Variants in FBXL17 observed in about 807,000 individuals in gnomAD.
FBXL17 encodes the protein F-box/LRR-repeat protein 17.
FBXL17 carries 22 observed loss-of-function variants against 66.2 expected under a neutral mutation model. The observed-to-expected ratio is 0.33, with a 90% CI of 0.24 to 0.47. FBXL17 has a LOEUF of 0.47. Among genes scored for constraint, FBXL17 ranks in the 20% least tolerant of loss-of-function variants. The pLI, the probability that FBXL17 is intolerant of heterozygous loss-of-function variation, is 1.00. For synonymous variants in FBXL17, 474 were observed against 400.5 expected (o/e 1.18, Z -2.19); for missense variants, 878 against 948.2 (o/e 0.93, Z 0.97).
At chr5:108,004,464 A>G (rs1160180873) in intron 7 of FBXL17, among the ~76,000 whole-genome samples, 1 of 152,202 alleles carries the variant, frequency 6.6e-6, no homozygotes, top group Non-Finnish European at 1.5e-5. Context: ...ATCATATAAC[A>G]TGATTTAATT....
At position 108,092,005 on chromosome 5, in the gene FBXL17, A is replaced by G. The variant is rs367700766; in HGVS notation, c.1746-71004T>C. Among the ~76,000 whole-genome samples, 75 of 152,328 alleles carry G rather than the reference A, an allele frequency of 4.9e-4. 1 individual carries two copies. The South Asian group carries it at 0.013, about 26-fold the overall frequency. On this transcript the variant is annotated intron_variant, in intron 6 of 8. Transcript: ENST00000542267. ...TATACACCTTTGCCTGGTAAACACA[A>G]TATCTTTCCTCTGTTTATTTTCTGG...
intron 4 of FBXL17, among the ~76,000 whole-genome samples, chr5:108,272,685 G>A (rs1757325370): frequency 6.6e-6 from 1 of 151,904 alleles, no homozygotes; most frequent in African/African-American, 2.4e-5. Flanking sequence ...AAATGATCCC[G>A]CATTTTCCCA....
intron 8 of FBXL17, among the ~76,000 whole-genome samples, chr5:107,872,153 A>G (rs1748478098): frequency 6.6e-6 from 1 of 152,228 alleles, no homozygotes; most frequent in African/African-American, 2.4e-5. Flanking sequence ...CAAAAACCTG[A>G]AAATAGGTGA....
At chr5:108,376,280 A>G (rs1487521453) in intron 1 of FBXL17, among the ~76,000 whole-genome samples, 1 of 152,184 alleles carries the variant, frequency 6.6e-6, no homozygotes, top group Non-Finnish European at 1.5e-5. Flanking sequence ...GGCTAGGGCA[A>G]TTAGACATGG....
intron 6 of FBXL17, among the ~76,000 whole-genome samples, chr5:108,062,306 A>G (rs1235325349): frequency 1.3e-5 from 2 of 152,114 alleles, no homozygotes; most frequent in African/African-American, 4.8e-5. Flanking sequence ...TAATGTATTA[A>G]AGATTAAGTA....
chr5:108,219,928 CTTTTTTTTTTTTTT>C, intron 5 of FBXL17, among the ~76,000 whole-genome samples: 2 of 37,432 alleles, frequency 5.3e-5, no homozygotes, highest in African/African-American at 2.4e-4. Context: ...TTACTATTTC[CTTTTTTTTTTTTTT>C]TTTTTTTTTG....
At chr5:108,195,346 C>G (rs1285003120) in intron 5 of FBXL17, among the ~76,000 whole-genome samples, 2 of 151,960 alleles carry the variant, frequency 1.3e-5, no homozygotes, top group Non-Finnish European at 2.9e-5. Context: ...AATGAAGGAG[C>G]AAACAAAGCC....
chr5:108,009,288 T>TAGATAGATAGATAGATAGATAG lies in FBXL17; in HGVS notation c.1822+11636_1822+11637insCTATCTATCTATCTATCTATCT, dbSNP rs1294587845. 3.1e-3 allele frequency among the ~76,000 whole-genome samples: 89 copies of TAGATAGATAGATAGATAGATAG among 28,752 alleles called. 7 individuals are homozygous for TAGATAGATAGATAGATAGATAG. Among genetic ancestry groups the TAGATAGATAGATAGATAGATAG allele is most frequent in the Middle Eastern group, 0.016 (1 of 62 alleles). 18.9% of individuals were successfully genotyped at this position (28,752 alleles called of 152,430 possible). ...ATATATATATATATATATATATATA[T>TAGATAGATAGATAGATAGATAG]ATATATATATATACATATATACATA... On this transcript the variant is annotated intron_variant, in intron 7 of 8. Transcript: ENST00000542267.
intron 4 of FBXL17, among the ~76,000 whole-genome samples, chr5:108,322,833 A>C (rs1469633672): frequency 2.0e-5 from 3 of 151,954 alleles, no homozygotes; most frequent in Non-Finnish European, 4.4e-5. Context: ...TTATTTGAGA[A>C]CTTACTGTAT....
intron 4 of FBXL17, among the ~76,000 whole-genome samples, chr5:108,276,737 T>C (rs541856990): frequency 3.8e-4 from 58 of 152,268 alleles, no homozygotes; most frequent in Admixed American, 1.7e-3. Flanking sequence ...CCTAAAGTAG[T>C]TAATGACTGA....
chr5:107,873,731 A>T (rs946132791), intron 8 of FBXL17, among the ~76,000 whole-genome samples: 1 of 152,222 alleles, frequency 6.6e-6, no homozygotes, highest in Non-Finnish European at 1.5e-5. Context: ...AAATTCAAAA[A>T]ATAATATGAT....
chr5:108,343,075 T>A (rs1272667778), intron 4 of FBXL17, among the ~76,000 whole-genome samples: 1 of 152,192 alleles, frequency 6.6e-6, no homozygotes, highest in Non-Finnish European at 1.5e-5. Context: ...AGGGAGAAGG[T>A]GTCTATAAAC....
chr5:108,260,972 T>C (rs902065730), intron 4 of FBXL17, among the ~76,000 whole-genome samples: 2 of 151,984 alleles, frequency 1.3e-5, no homozygotes, highest in Non-Finnish European at 2.9e-5. Context: ...TAATTCAAAA[T>C]AAACATGATA....
intron 7 of FBXL17, among the ~76,000 whole-genome samples, chr5:107,980,664 A>ATATATATATATTTTTTTTTTTTT: frequency 4.4e-4 from 27 of 62,058 alleles, no homozygotes; most frequent in African/African-American, 2.6e-3. Flanking sequence ...ATATATATAT[A>ATATATATATATTTTTTTTTTTTT]TTTTTTTTTT....
At chr5:108,347,477 A>C (rs1747358707) in intron 4 of FBXL17, among the ~76,000 whole-genome samples, 1 of 152,216 alleles carries the variant, frequency 6.6e-6, no homozygotes, top group South Asian at 2.1e-4. Context: ...ATATAAAAAC[A>C]TAAATGCTTT....
intron 6 of FBXL17, among the ~76,000 whole-genome samples, chr5:108,034,990 C>T (rs1282711518): frequency 6.6e-6 from 1 of 152,088 alleles, no homozygotes; most frequent in East Asian, 1.9e-4. Flanking sequence ...CACAGGAACC[C>T]TTCCCCCAAT....
At chr5:107,971,448 G>A (rs1181018503) in intron 7 of FBXL17, among the ~76,000 whole-genome samples, 1 of 152,160 alleles carries the variant, frequency 6.6e-6, no homozygotes, top group Non-Finnish European at 1.5e-5. Context: ...GTATTAGCAT[G>A]TATTTCTTAA....
In FBXL17 at chr5:108,381,763, G is replaced by A; in HGVS notation, c.-72C>T. 7.3e-7 allele frequency: 1 copy of A among 1,371,356 alleles called. No homozygotes were observed. The highest frequency in any genetic ancestry group is 9.4e-7 in the Non-Finnish European group (1 of 1,068,134). 84.9% of individuals were successfully genotyped at this position (1,371,356 alleles called of 1,614,324 possible). A position where few individuals can be genotyped will look rare whatever the true frequency, so the allele number is the denominator to read the frequency against. The stretch of plus-strand genomic sequence containing the variant: ...CAGAGAGGCGGGCTCCCGGCAGCGG[G>A]GCAGGCCGCTCGCTGGCTCGGCCCC... On this transcript the variant is annotated 5_prime_UTR_variant, in exon 1 of 9. Transcript: ENST00000542267.
At chr5:108,322,261 G>T (rs1356548669) in intron 4 of FBXL17, among the ~76,000 whole-genome samples, 1 of 151,876 alleles carries the variant, frequency 6.6e-6, no homozygotes, top group African/African-American at 2.4e-5. Context: ...TTATTTAATT[G>T]CAAAACAGTG....
Sources: gnomAD v4.1 joint callset for allele counts (sites outside exome capture counted in the v4.1 genomes callset) on GRCh38, gnomAD v4.1.1 for gene constraint, MANE v1.5 for transcripts, NCBI Gene and HGNC (gene_info 2026-07-23, HGNC 2026-07-21) for gene names.